Variants in GTF2F2 observed in about 807,000 individuals in gnomAD.
GTF2F2 encodes ATP-dependent helicase GTF2F2.
In GTF2F2, 23 loss-of-function variants were observed where a neutral mutation model predicts 42.2. The observed-to-expected ratio is 0.55, with a 90% CI of 0.39 to 0.77. GTF2F2 has a LOEUF of 0.77. Ranked by LOEUF, GTF2F2 falls within the 30% of genes least tolerant of loss-of-function variation. The pLI, the probability that GTF2F2 is intolerant of heterozygous loss-of-function variation, is 0.00. For missense variants in GTF2F2, 261 were observed against 287.2 expected (o/e 0.91, Z 0.66); for synonymous variants, 105 against 100.8 (o/e 1.04, Z -0.25).
At chr13:45,228,702 C>CTTTTT (rs34504209) in intron 5 of GTF2F2, among the ~76,000 whole-genome samples, 1 of 112,122 alleles carries the variant, frequency 8.9e-6, no homozygotes, top group African/African-American at 4.8e-5. Flanking sequence ...CGGAGTTTTG[C>CTTTTT]TCTTGTTGCC....
At position 45,237,669 on chromosome 13, in the gene GTF2F2, A is replaced by G. The variant is rs1447470005; in HGVS notation, c.387-15202A>G. On this transcript the variant is annotated intron_variant, in intron 5 of 7. Transcript: ENST00000340473. ...CCTAGGGATGGACCTGTAACTTAAA[A>G]TCAGAGCTTGGTTTCAGACCTGCCA... Among the ~76,000 whole-genome samples, 3 of 152,220 alleles carry G rather than the reference A, an allele frequency of 2.0e-5. No homozygotes were observed. The East Asian group carries it at 5.8e-4, about 29-fold the overall frequency.
At chr13:45,259,259 T>G (rs538183905) in intron 6 of GTF2F2, among the ~76,000 whole-genome samples, 16 of 152,270 alleles carry the variant, frequency 1.1e-4, no homozygotes, top group African/African-American at 3.9e-4. Context: ...AAACCCCGTC[T>G]CTACTAAAAG....
chr13:45,247,503 C>T (rs896160358), intron 5 of GTF2F2, among the ~76,000 whole-genome samples: 3 of 151,854 alleles, frequency 2.0e-5, no homozygotes, highest in African/African-American at 7.3e-5. Context: ...AGCAATTCTC[C>T]TGCCTCAGCC....
intron 4 of GTF2F2, among the ~76,000 whole-genome samples, chr13:45,163,968 A>G (rs561864844): frequency 1.3e-5 from 2 of 152,292 alleles, no homozygotes; most frequent in East Asian, 3.9e-4. Context: ...AGCCTGGCTG[A>G]CCTGACGAAA....
chr13:45,147,819 G>T (rs1160154053), intron 2 of GTF2F2, among the ~76,000 whole-genome samples: 1 of 152,060 alleles, frequency 6.6e-6, no homozygotes, highest in East Asian at 1.9e-4. Flanking sequence ...TTTCATTTGG[G>T]CTATTCCCTT....
chr13:45,169,039 A>G (rs574743901), intron 4 of GTF2F2, among the ~76,000 whole-genome samples: 2 of 147,894 alleles, frequency 1.4e-5, no homozygotes, highest in Non-Finnish European at 3.0e-5. Context: ...CCCGTTGCCC[A>G]GGCTGGGATT....
chr13:45,175,687 A>G (rs1010964551), intron 4 of GTF2F2, among the ~76,000 whole-genome samples: 5 of 152,154 alleles, frequency 3.3e-5, no homozygotes, highest in African/African-American at 1.2e-4. Flanking sequence ...CAATGGCACT[A>G]TCTCGGCTCA....
intron 5 of GTF2F2, among the ~76,000 whole-genome samples, chr13:45,230,076 C>T (rs1284322247): frequency 6.6e-6 from 1 of 151,872 alleles, no homozygotes; most frequent in African/African-American, 2.4e-5. Flanking sequence ...ATTAGCCGGA[C>T]GTGGTGGCAC....
chr13:45,236,482 G>A (rs1874986533), intron 5 of GTF2F2, among the ~76,000 whole-genome samples: 2 of 132,048 alleles, frequency 1.5e-5, no homozygotes, highest in African/African-American at 3.4e-5. Flanking sequence ...CTCACCCCCC[G>A]CCACACATAC....
intron 4 of GTF2F2, among the ~76,000 whole-genome samples, chr13:45,199,230 A>C (rs1466477586): frequency 2.0e-5 from 3 of 152,246 alleles, no homozygotes; most frequent in African/African-American, 7.2e-5. Context: ...AAGGAAGCCC[A>C]GGAAAATTGC....
At chr13:45,201,686 G>A (rs972819171) in intron 4 of GTF2F2, among the ~76,000 whole-genome samples, 1 of 152,122 alleles carries the variant, frequency 6.6e-6, no homozygotes, top group Non-Finnish European at 1.5e-5. Context: ...TCAAAGATGT[G>A]TGTTCATACT....
intron 7 of GTF2F2, among the ~76,000 whole-genome samples, chr13:45,268,526 T>C (rs1876661232): frequency 6.6e-6 from 1 of 152,140 alleles, no homozygotes; most frequent in Non-Finnish European, 1.5e-5. Context: ...TGGTGGAGTA[T>C]TATCAATTCA....
Position 45,179,438 on chromosome 13 carries a change from ACTGT to A in GTF2F2, c.304+27612_304+27615del, listed in dbSNP as rs1229210355. On this transcript the variant is annotated intron_variant, in intron 4 of 7. Coordinates refer to ENST00000340473, the MANE Select transcript of GTF2F2 (RefSeq NM_004128.3). ...ATGCCAATACTTGGGGTGTAACTAG[ACTGT>A]CTGTGGCAAACTAGGACTCTGGGTC... Among the ~76,000 whole-genome samples the A allele has an allele frequency of 3.3e-5, 5 of 152,166 alleles. 1 individual carries two copies. Among genetic ancestry groups the A allele is most frequent in the Admixed American group, 2.0e-4 (3 of 15,270 alleles).
chr13:45,213,724 A>G (rs1873787109), intron 5 of GTF2F2, among the ~76,000 whole-genome samples: 2 of 151,960 alleles, frequency 1.3e-5, no homozygotes, highest in Admixed American at 1.3e-4. Flanking sequence ...TGAAATAGAA[A>G]TGGCAAAGGT....
intron 5 of GTF2F2, among the ~76,000 whole-genome samples, chr13:45,237,215 G>A (rs938273791): frequency 1.3e-5 from 2 of 152,088 alleles, no homozygotes; most frequent in African/African-American, 2.4e-5. Flanking sequence ...ATTATAATTA[G>A]CACTTCCATG....
At chr13:45,255,630 A>G (rs940749820) in intron 6 of GTF2F2, among the ~76,000 whole-genome samples, 1 of 152,196 alleles carries the variant, frequency 6.6e-6, no homozygotes, top group Admixed American at 6.5e-5. Context: ...AGTCTTTTCT[A>G]CTGTTGGATG....
intron 5 of GTF2F2, among the ~76,000 whole-genome samples, chr13:45,222,276 A>C (rs1566140054): frequency 6.6e-6 from 1 of 152,186 alleles, no homozygotes; most frequent in Non-Finnish European, 1.5e-5. Flanking sequence ...GATTTATCTG[A>C]AGTTAACAAT....
intron 4 of GTF2F2, among the ~76,000 whole-genome samples, chr13:45,171,166 C>T (rs1431726554): frequency 6.6e-6 from 1 of 150,524 alleles, no homozygotes; most frequent in Admixed American, 6.6e-5. Context: ...CAACCTCCGC[C>T]TCCCAGGTTC....
At chr13:45,259,227 G>A (rs1459539695) in intron 6 of GTF2F2, among the ~76,000 whole-genome samples, 1 of 152,102 alleles carries the variant, frequency 6.6e-6, no homozygotes, top group Non-Finnish European at 1.5e-5. Flanking sequence ...AGAAGTTCGA[G>A]ACCAGCCTGA....
Sources: gnomAD v4.1 joint callset for allele counts (sites outside exome capture counted in the v4.1 genomes callset) on GRCh38, gnomAD v4.1.1 for gene constraint, MANE v1.5 for transcripts, NCBI Gene and HGNC (gene_info 2026-07-23, HGNC 2026-07-21) for gene names.